Variants in RIMS1 observed in about 807,000 individuals in gnomAD.
RIMS1 encodes the protein regulating synaptic membrane exocytosis 1.
A neutral mutation model predicts 214.1 loss-of-function variants in RIMS1; 83 were observed. The observed-to-expected ratio is 0.39, with a 90% CI of 0.32 to 0.47. RIMS1 has a LOEUF of 0.47. Among genes scored for constraint, RIMS1 ranks in the 20% least tolerant of loss-of-function variants. The pLI is 0.99. For synonymous variants in RIMS1, 793 were observed against 786.8 expected, an observed-to-expected ratio of 1.01 and a Z score of -0.13; for missense variants, 2,050 against 2,161.8, an observed-to-expected ratio of 0.95 and a Z score of 1.03.
intron 1 of RIMS1, among the ~76,000 whole-genome samples, chr6:71,950,081 T>G (rs1266179601): frequency 6.6e-6 from 1 of 152,020 alleles, no homozygotes; most frequent in Non-Finnish European, 1.5e-5. Flanking sequence ...TCTCAAAAAA[T>G]TATGCTAAGT....
At chr6:72,063,532 G>A (rs565438012) in intron 2 of RIMS1, among the ~76,000 whole-genome samples, 2 of 152,206 alleles carry the variant, frequency 1.3e-5, no homozygotes, top group Non-Finnish European at 2.9e-5. Flanking sequence ...GAAGGAACTG[G>A]TGAATGTTGT....
intron 29 of RIMS1, among the ~76,000 whole-genome samples, chr6:72,349,422 CTA>C (rs2154367818): frequency 6.6e-6 from 1 of 151,754 alleles, no homozygotes; most frequent in South Asian, 2.1e-4. Context: ...TTTGTAATAA[CTA>C]AAGTTACATT....
intron 4 of RIMS1, among the ~76,000 whole-genome samples, chr6:72,126,070 G>A (rs573869787): frequency 2.6e-5 from 4 of 152,252 alleles, no homozygotes; most frequent in African/African-American, 4.8e-5. Context: ...CTTCTGTGTC[G>A]ATCTCACTGG....
At chr6:71,973,607 T>C (rs1583864528) in intron 2 of RIMS1, among the ~76,000 whole-genome samples, 1 of 152,270 alleles carries the variant, frequency 6.6e-6, no homozygotes, top group Non-Finnish European at 1.5e-5. Context: ...TCCAGTTTAT[T>C]CCTACCAAGA....
intron 2 of RIMS1, among the ~76,000 whole-genome samples, chr6:72,006,832 C>T (rs1026653298): frequency 2.6e-5 from 4 of 152,202 alleles, no homozygotes; most frequent in African/African-American, 7.2e-5. Context: ...CCGGGAAGCT[C>T]GAACTTGGTG....
chr6:72,085,259 T>G (rs989576304), intron 2 of RIMS1, among the ~76,000 whole-genome samples: 2 of 152,148 alleles, frequency 1.3e-5, no homozygotes, highest in African/African-American at 2.4e-5. Flanking sequence ...TGTAGTAATT[T>G]TCAAAAATTA....
At chr6:72,165,110 A>G (rs2046076711) in intron 4 of RIMS1, among the ~76,000 whole-genome samples, 1 of 151,856 alleles carries the variant, frequency 6.6e-6, no homozygotes, top group South Asian at 2.1e-4. Flanking sequence ...ATTTTTTTCC[A>G]TATTTTATGT....
At chr6:72,152,064 A>G (rs1444796428) in intron 4 of RIMS1, among the ~76,000 whole-genome samples, 3 of 152,154 alleles carry the variant, frequency 2.0e-5, no homozygotes, top group Non-Finnish European at 4.4e-5. Flanking sequence ...AGCATTACTG[A>G]GAGATTCTCC....
At chr6:72,275,352 A>ATT (rs200241502) in intron 23 of RIMS1, among the ~76,000 whole-genome samples, 35 of 151,334 alleles carry the variant, frequency 2.3e-4, no homozygotes, top group African/African-American at 8.5e-4. Flanking sequence ...AAATGTACAG[A>ATT]TTTTTTTTAG....
rs1442750859 is a variant in RIMS1 at position 71,979,389 on chromosome 6, CCCCAGGGTCA to C, written c.245+10332_245+10341del. 2.0e-5 allele frequency among the ~76,000 whole-genome samples: 3 copies of C among 151,966 alleles called. 1 individual carries two copies. In the East Asian group the frequency reaches 5.8e-4, roughly 29 times the overall value. ...AAACATGACCTATGTTAGTGGCTTG[CCCCAGGGTCA>C]CCCAGCAGGACAGGGGAAGATAACT... On this transcript the variant is annotated intron_variant, in intron 2 of 33. Coordinates refer to ENST00000521978, the MANE Select transcript of RIMS1 (RefSeq NM_014989.7).
intron 28 of RIMS1, among the ~76,000 whole-genome samples, chr6:72,331,755 T>C (rs929642160): frequency 1.3e-5 from 2 of 151,848 alleles, no homozygotes; most frequent in Admixed American, 6.6e-5. Flanking sequence ...ATAAAATGCA[T>C]AGCAAAATTA....
At chr6:72,396,962 A>G (rs2098786170) in intron 31 of RIMS1, among the ~76,000 whole-genome samples, 1 of 152,174 alleles carries the variant, frequency 6.6e-6, no homozygotes, top group South Asian at 2.1e-4. Context: ...ACAGTGAGCC[A>G]AGATCACACC....
Position 71,952,478 on chromosome 6 carries a change from T to G in RIMS1, c.165-16505T>G, listed in dbSNP as rs147065148. Reference sequence around the variant, plus strand: ...ATTGATACTACTACAAATTCACTTCTGAAATCGGGAAATTCGTGAGGCCCT... The same window carrying G: ...ATTGATACTACTACAAATTCACTTCGGAAATCGGGAAATTCGTGAGGCCCT... On this transcript the variant is annotated intron_variant, in intron 1 of 33. Transcript: ENST00000521978. Among the ~76,000 whole-genome samples the G allele has an allele frequency of 2.9e-3, 448 of 152,298 alleles. 2 individuals are homozygous for G. The highest frequency in any genetic ancestry group is 4.7e-3 in the Non-Finnish European group (319 of 68,032).
chr6:71,936,687 GGA>G (rs1361211766), intron 1 of RIMS1, among the ~76,000 whole-genome samples: 2 of 152,168 alleles, frequency 1.3e-5, no homozygotes, highest in Admixed American at 6.5e-5. Context: ...GTAGATGAGA[GGA>G]GTCTTAGAAG....
intron 2 of RIMS1, among the ~76,000 whole-genome samples, chr6:72,052,825 C>A (rs1172193152): frequency 1.3e-5 from 2 of 152,064 alleles, no homozygotes; most frequent in Non-Finnish European, 2.9e-5. Context: ...CCATATAAGA[C>A]ACTTTATTTG....
At chr6:72,215,719 C>T (rs1012461319) in intron 6 of RIMS1, among the ~76,000 whole-genome samples, 5 of 151,860 alleles carry the variant, frequency 3.3e-5, no homozygotes, top group African/African-American at 7.3e-5. Flanking sequence ...TAAGCATAGG[C>T]GGAAGTTTGG....
intron 26 of RIMS1, among the ~76,000 whole-genome samples, chr6:72,293,063 A>C (rs2093628531): frequency 6.6e-6 from 1 of 152,026 alleles, no homozygotes. Flanking sequence ...AGGTAAATGC[A>C]TTGTTTCAAA....
At chr6:72,207,777 A>AC (rs2154002024) in intron 6 of RIMS1, among the ~76,000 whole-genome samples, 1 of 149,784 alleles carries the variant, frequency 6.7e-6, no homozygotes, top group Admixed American at 6.7e-5. Context: ...AAACAAACAA[A>AC]AAAATTCTCC....
chr6:72,077,120 C>T (rs1336079067), intron 2 of RIMS1, among the ~76,000 whole-genome samples: 2 of 152,164 alleles, frequency 1.3e-5, no homozygotes, highest in Non-Finnish European at 2.9e-5. Flanking sequence ...ATCCTCTTCC[C>T]CACATGAGTG....
Sources: allele counts gnomAD v4.1 joint callset (sites outside exome capture counted in the v4.1 genomes callset), GRCh38; gene constraint gnomAD v4.1.1; transcripts MANE v1.5; gene names NCBI Gene and HGNC (gene_info 2026-07-23, HGNC 2026-07-21).